The following SETD1A variants were observed in gnomAD, a reference collection of about 807,000 sequenced individuals.
The protein encoded by SETD1A is SET domain containing 1A, histone lysine methyltransferase, also known as histone-lysine N-methyltransferase SETD1A.
A neutral mutation model predicts 149.9 loss-of-function variants in SETD1A; 29 were observed. The observed-to-expected ratio is 0.19, with a 90% CI of 0.14 to 0.26. SETD1A has a LOEUF of 0.26. SETD1A is among the 10% of genes least tolerant of loss of function. The probability of loss-of-function intolerance (pLI) is 1.00; values close to 1 mark genes in which losing one functional copy is unlikely to be tolerated. For synonymous variants in SETD1A, 1,141 were observed against 968.5 expected (o/e 1.18, Z -3.31); for missense variants, 2,109 against 2,353.1 (o/e 0.90, Z 2.15).
At position 30,964,338 on chromosome 16, in the gene SETD1A, C is replaced by G; in HGVS notation, c.869+15C>G. On this transcript the variant is annotated intron_variant, in intron 6 of 18. Coordinates refer to ENST00000262519, the MANE Select transcript of SETD1A (RefSeq NM_014712.3). ...TACTCCAGCAGGTACAGAGCAGACC[C>G]CGCCTGGGGCCCCGCCCGCAAAGTC... is the stretch of plus-strand genomic sequence containing the variant. 6.3e-7 allele frequency: 1 copy of G among 1,599,552 alleles called. No individual in the cohort carries two copies. The highest frequency in any genetic ancestry group is 8.6e-7 in the Non-Finnish European group (1 of 1,168,374).
Position 30,980,727 on chromosome 16 carries a change from T to C in SETD1A, c.4582-12T>C, listed in dbSNP as rs763181070. On this transcript the variant is annotated splice_polypyrimidine_tract_variant and intron_variant, in intron 15 of 18. Transcript: ENST00000262519. This position sits in a 1 kb window ranked among gnomAD's most constrained non-coding sequence, Gnocchi z 7.7. ...TGCCCTGCTCACCTCCTCCCTGCCG[T>C]GTGTCTCACAGGGGACGAACCGCGT... 6.2e-7 allele frequency: 1 copy of C among 1,611,954 alleles called. No individual in the cohort carries two copies. Among genetic ancestry groups the C allele is most frequent in the Non-Finnish European group, 8.5e-7 (1 of 1,179,482 alleles).
In SETD1A at chr16:30,971,730, C is replaced by A; in HGVS notation, c.3358+11C>A. The A allele has an allele frequency of 6.5e-7, 1 of 1,545,532 alleles. No individual in the cohort carries two copies. Among genetic ancestry groups the A allele is most frequent in the South Asian group, 1.2e-5 (1 of 80,992 alleles). On this transcript the variant is annotated intron_variant, in intron 13 of 18. Coordinates refer to ENST00000262519, the MANE Select transcript of SETD1A (RefSeq NM_014712.3). ...CAGCAAGGCCTGCAGGTAGGTGCCA[C>A]AGGGCTGTCGGTTAGATCGCTGTGT...
In SETD1A at chr16:30,971,598, G is replaced by C. The variant is rs149626381; in HGVS notation, c.3237G>C (p.Pro1079=). The C allele has an allele frequency of 2.5e-6, 4 of 1,613,408 alleles. No homozygotes were observed. The highest frequency in any genetic ancestry group is 2.5e-6 in the Non-Finnish European group (3 of 1,179,884). Residue 1079 remains proline (P), a synonymous_variant, in exon 13 of 19, where the codon CCG becomes CCC. Transcript: ENST00000262519. Reference sequence around the variant, plus strand: ...CAGCAGCCCTTCCCTCAGCCTCCCCGCCCCCCAGAGAAGTCCCAGTGCCCA... The same window carrying C: ...CAGCAGCCCTTCCCTCAGCCTCCCCCCCCCCCAGAGAAGTCCCAGTGCCCA... ...ERPAALPSAS[P]PPREVPVPTP...
rs2056147375 is a variant in SETD1A at position 30,966,365 on chromosome 16, G to A, written c.2484G>A (p.Glu828=). Residue 828 remains glutamate (E), a synonymous_variant, in exon 8 of 19, where the codon GAG becomes GAA. Coordinates refer to ENST00000262519, the MANE Select transcript of SETD1A (RefSeq NM_014712.3). ...TCGGAGCCTTTGACCAGTGGTGGGA[G>A]AGCAAGGAGGAGAAGGCCAAGGTGA... ...VAFGAFDQWW[E]SKEEKAKPFQ... is the part of the protein sequence containing the mutation. The A allele has an allele frequency of 3.7e-6, 6 of 1,609,868 alleles. No individual in the cohort carries two copies. The East Asian group carries it at 1.3e-4, about 36-fold the overall frequency.
rs759686506 is a variant in SETD1A at position 30,969,290 on chromosome 16, A to G, written c.2771-15A>G. On this transcript the variant is annotated splice_polypyrimidine_tract_variant and intron_variant, in intron 10 of 18. Coordinates refer to ENST00000262519, the MANE Select transcript of SETD1A (RefSeq NM_014712.3). ...TTGATGGTAAATTTCCCCAACTACC[A>G]CTCTGCTGGCCTAGACCCTGAACAA... 8 of 1,607,600 alleles carry G rather than the reference A, an allele frequency of 5.0e-6. No homozygotes were observed. In the Admixed American group the frequency reaches 8.5e-5, roughly 17 times the overall value.
chr16:30,980,398 A>G lies in SETD1A; in HGVS notation c.4409-87A>G, dbSNP rs368514326. 4.0e-6 allele frequency: 6 copies of G among 1,507,856 alleles called. No homozygotes were observed. The Admixed American group carries it at 1.0e-4, about 26-fold the overall frequency. 93.4% of individuals were successfully genotyped at this position (1,507,856 alleles called of 1,614,324 possible). A position where few individuals can be genotyped will look rare whatever the true frequency, so the allele number is the denominator to read the frequency against. ...TTCCTCCCCTGTCCCTCACCTGGGT[A>G]TGCTCAGCGGCGTGGGCCCCGCCCT... On this transcript the variant is annotated intron_variant, in intron 14 of 18. Coordinates refer to ENST00000262519, the MANE Select transcript of SETD1A (RefSeq NM_014712.3). This position sits in a 1 kb window ranked among gnomAD's most constrained non-coding sequence, Gnocchi z 7.7.
chr16:30,965,619 G>GGAGACGACATGGAGATCTCCGAC lies in SETD1A; in HGVS notation c.1741_1763dup (p.Asp588GlufsTer81). 1 of 1,612,694 alleles carries GGAGACGACATGGAGATCTCCGAC rather than the reference G, an allele frequency of 6.2e-7. No individual in the cohort carries two copies. Among genetic ancestry groups the GGAGACGACATGGAGATCTCCGAC allele is most frequent in the Non-Finnish European group, 8.5e-7 (1 of 1,179,628 alleles). On this transcript the variant is annotated frameshift_variant, in exon 8 of 19. Transcript: ENST00000262519. LOFTEE classifies it high-confidence loss of function. ...CCCGCAGGCTTCTCCATGCTCTTCT[G>GGAGACGACATGGAGATCTCCGAC]GAGACGACATGGAGATCTCCGACGA...
intron 13 of SETD1A, among the ~76,000 whole-genome samples, chr16:30,972,260 G>A (rs1298142368): frequency 3.3e-5 from 5 of 152,206 alleles, no homozygotes; most frequent in Non-Finnish European, 7.3e-5. Flanking sequence ...AGGTGCAGGG[G>A]ATGGGTTGCT....
Position 30,980,187 on chromosome 16 carries a change from T to C in SETD1A, c.4401T>C (p.His1467=). ...ADWLNDTHWV[H]HTITNLTTPK... ...GGCTCAACGACACTCACTGGGTCCA[T>C]CACACAAATATCCTGAGTGTGGGCG... is the stretch of plus-strand genomic sequence containing the variant. Residue 1467 remains histidine (H), a synonymous_variant, in exon 14 of 19, where the codon CAT becomes CAC. Transcript: ENST00000262519. The surrounding 1 kb of genome is among the most constrained non-coding windows in gnomAD (Gnocchi z 7.7). 6.2e-7 allele frequency: 1 copy of C among 1,605,812 alleles called. No homozygotes were observed. Among genetic ancestry groups the C allele is most frequent in the Middle Eastern group, 1.7e-4 (1 of 6,022 alleles).
intron 10 of SETD1A, among the ~76,000 whole-genome samples, chr16:30,967,926 A>G (rs894550993): frequency 6.6e-5 from 10 of 152,046 alleles, no homozygotes; most frequent in Admixed American, 2.0e-4. Flanking sequence ...CCTTCCTCCT[A>G]GTTTGCCTGA....
At chr16:30,959,296 C>A in intron 3 of SETD1A, 110 bp downstream of exon 3, 1 of 774,466 alleles carries the variant, frequency 1.3e-6, no homozygotes, top group Non-Finnish European at 2.3e-6. Context: ...TCAGCCAGAT[C>A]TAGCAACCTC....
At chr16:30,967,872 G>C (rs2056169787) in intron 10 of SETD1A, among the ~76,000 whole-genome samples, 1 of 152,120 alleles carries the variant, frequency 6.6e-6, no homozygotes, top group Non-Finnish European at 1.5e-5. Flanking sequence ...GTTAAACGAG[G>C]CATCTCCCCA....
intron 13 of SETD1A, among the ~76,000 whole-genome samples, chr16:30,972,876 C>T (rs2056242347): frequency 6.6e-6 from 1 of 151,668 alleles, no homozygotes; most frequent in Non-Finnish European, 1.5e-5. Context: ...AGAGAGAATA[C>T]CTAGGAAAAC....
rs2056415188 is a variant in SETD1A, at chr16:30,983,716, A to G, written c.4894A>G (p.Ile1632Val). 2 of 1,614,156 alleles carry G rather than the reference A, an allele frequency of 1.2e-6. No individual in the cohort carries two copies. Among genetic ancestry groups the G allele is most frequent in the Non-Finnish European group, 8.5e-7 (1 of 1,180,006 alleles). Reference sequence around the variant, plus strand: ...CCTGTTCCGGGTGGACCACGACACCATCATCGATGCCACCAAGTGTGGCAA... The same window carrying G: ...CCTGTTCCGGGTGGACCACGACACCGTCATCGATGCCACCAAGTGTGGCAA... The part of the protein sequence containing the change: ...SYLFRVDHDT[I>V]IDATKCGNLA... The change falls in exon 18 of 19, where the codon ATC becomes GTC. Residue 1632 changes from isoleucine to valine, a missense_variant. Ile to Val is a conservative substitution (Grantham distance 29). Around this residue, in one of 8 missense-constraint regions of SETD1A, gnomAD observed 254 missense variants for 409.3 expected, o/e 0.62. Transcript: ENST00000262519. The surrounding 1 kb of genome is among the most constrained non-coding windows in gnomAD (Gnocchi z 6.8).
In SETD1A at chr16:30,971,499, C is replaced by T. The variant is rs758466667; in HGVS notation, c.3138C>T (p.Ser1046=). Residue 1046 remains serine (S), a synonymous_variant, in exon 13 of 19, where the codon TCC becomes TCT. Coordinates refer to ENST00000262519, the MANE Select transcript of SETD1A (RefSeq NM_014712.3). ...CTTCCAGCTCCTCATCCTCCTCCTC[C>T]TCCTCGTCCTCATCCTCCTCGTCCT... The part of the protein sequence containing the change: ...SSSSSSSSSS[S]SSSSSSSSSS... 4.0e-5 allele frequency: 65 copies of T among 1,613,824 alleles called. 1 individual carries two copies. The Admixed American group carries it at 1.1e-3, about 26-fold the overall frequency.
rs1370927348 is a variant in SETD1A at position 30,965,137 on chromosome 16, T to A, written c.1395T>A (p.Pro465=). The A allele has an allele frequency of 6.2e-7, 1 of 1,609,840 alleles. No homozygotes were observed. Among genetic ancestry groups the A allele is most frequent in the Non-Finnish European group, 8.5e-7 (1 of 1,177,310 alleles). Residue 465 remains proline (P), a synonymous_variant, in exon 7 of 19, where the codon CCT becomes CCA. Coordinates refer to ENST00000262519, the MANE Select transcript of SETD1A (RefSeq NM_014712.3). ...GGACTTCCCCCCGCCCAGCCTCCCC[T>A]GCCCGCTCTGGCTCCCCAGCCCCGG... ...EVRTSPRPAS[P]ARSGSPAPET...
At chr16:30,967,812 T>C (rs2143515175) in intron 10 of SETD1A, among the ~76,000 whole-genome samples, 1 of 152,312 alleles carries the variant, frequency 6.6e-6, no homozygotes, top group East Asian at 1.9e-4. Flanking sequence ...TTTCTGTATT[T>C]TGGGTTTTTC....
chr16:30,977,713 C>T (rs532448063), intron 13 of SETD1A, among the ~76,000 whole-genome samples: 1 of 152,212 alleles, frequency 6.6e-6, no homozygotes, highest in African/African-American at 2.4e-5. Flanking sequence ...GAGACCCCAG[C>T]GGGTGTCTAG....
At chr16:30,978,785 G>A (rs1162668334) in intron 13 of SETD1A, among the ~76,000 whole-genome samples, 1 of 152,214 alleles carries the variant, frequency 6.6e-6, no homozygotes, top group Non-Finnish European at 1.5e-5. Context: ...GGGCTGTCCC[G>A]CCAGTCTGGG....
Sources: gnomAD v4.1 joint callset for allele counts (sites outside exome capture counted in the v4.1 genomes callset) on GRCh38, gnomAD v4.1.1 for gene constraint, gnomAD v4.1.1 regional missense constraint, Gnocchi (gnomAD v3.1) non-coding constraint, MANE v1.5 for transcripts, NCBI Gene and HGNC (gene_info 2026-07-23, HGNC 2026-07-21) for gene names.